AHNAK: variants seen among roughly 807,000 people sequenced by gnomAD.
The protein encoded by AHNAK is AHNAK nucleoprotein.
A neutral mutation model predicts 37.8 loss-of-function variants in AHNAK; 23 were observed. That is an observed-to-expected ratio of 0.61 (90% confidence interval 0.44 to 0.86). The LOEUF (loss-of-function observed/expected upper bound fraction) is 0.86, where lower values mean the gene tolerates loss of function less well. Among genes scored for constraint, AHNAK ranks in the 40% least tolerant of loss-of-function variants. The pLI, the probability that AHNAK is intolerant of heterozygous loss-of-function variation, is 0.00. For synonymous variants in AHNAK, 2,481 were observed against 2,636.3 expected, an observed-to-expected ratio of 0.94 and a Z score of 1.80; for missense variants, 7,411 against 7,319.4, an observed-to-expected ratio of 1.01 and a Z score of -0.46.
rs763377194 is a variant in AHNAK, at chr11:62,531,386, G to A, written c.3031C>T (p.Leu1011Phe). 6 of 1,614,024 alleles carry A rather than the reference G, an allele frequency of 3.7e-6. No homozygotes were observed. The highest frequency in any genetic ancestry group is 5.1e-6 in the Non-Finnish European group (6 of 1,180,042). Residue 1011 changes from leucine to phenylalanine, a missense_variant, in exon 5 of 5, where the codon CTC (leucine) becomes TTC (phenylalanine). Leu to Phe is a conservative substitution (Grantham distance 22). Transcript: ENST00000378024. ...IKMPKFSMPS[L>F]KGEGPEFDVN... ...TCAAATTCTGGCCCCTCTCCTTTGA[G>A]GCTGGGCATGCTAAATTTGGGCATT...
At chr11:62,482,062 A>G (rs1939287723) in intron 5 of AHNAK, among the ~76,000 whole-genome samples, 1 of 151,976 alleles carries the variant, frequency 6.6e-6, no homozygotes, top group Non-Finnish European at 1.5e-5. Flanking sequence ...TGTTGTCTAC[A>G]TGTGGAGCTC....
intron 5 of AHNAK, among the ~76,000 whole-genome samples, chr11:62,450,428 G>A (rs1938511824): frequency 6.6e-6 from 1 of 152,088 alleles, no homozygotes; most frequent in Non-Finnish European, 1.5e-5. Flanking sequence ...CCTGACCTCA[G>A]ATGATCCAAC....
intron 5 of AHNAK, among the ~76,000 whole-genome samples, chr11:62,470,466 C>T (rs1444781489): frequency 4.6e-5 from 7 of 150,540 alleles, no homozygotes; most frequent in African/African-American, 1.2e-4. Context: ...ATTAGCTGGG[C>T]GTGGTGACAC....
intron 5 of AHNAK, among the ~76,000 whole-genome samples, chr11:62,480,932 A>AAAT (rs1565208714): frequency 6.6e-6 from 1 of 151,986 alleles, no homozygotes; most frequent in African/African-American, 2.4e-5. Flanking sequence ...AGACCTCAGT[A>AAAT]AATAATGTCC....
At position 62,524,967 on chromosome 11, in the gene AHNAK, C is replaced by T; in HGVS notation, c.9450G>A (p.Met3150Ile). 1 of 1,613,638 alleles carries T rather than the reference C, an allele frequency of 6.2e-7. No homozygotes were observed. The highest frequency in any genetic ancestry group is 2.2e-5 in the East Asian group (1 of 44,832). ...TGATCTTGGGCATTTTTATTTTAGGCATCTTCAGGTGCCAGTCTGGGCCTT... is the reference window on the plus strand; with the variant it reads ...TGATCTTGGGCATTTTTATTTTAGGTATCTTCAGGTGCCAGTCTGGGCCTT... ...DVQGPDWHLKMPKIKMPKISM... is the reference protein window; with the variant it reads ...DVQGPDWHLKIPKIKMPKISM... Residue 3150 changes from methionine to isoleucine, a missense_variant, in exon 5 of 5, where the codon ATG becomes ATA. Transcript: ENST00000378024.
intron 5 of AHNAK, among the ~76,000 whole-genome samples, chr11:62,446,701 G>C (rs1749894015): frequency 6.6e-6 from 1 of 151,950 alleles, no homozygotes; most frequent in Admixed American, 6.6e-5. Flanking sequence ...AAAGGCACCA[G>C]AATCTTCTCA....
chr11:62,445,436 G>A (rs973879057), intron 5 of AHNAK, among the ~76,000 whole-genome samples: 3 of 152,128 alleles, frequency 2.0e-5, no homozygotes, highest in Non-Finnish European at 2.9e-5. Flanking sequence ...CCATAGCTAC[G>A]ATTTGAATAA....
chr11:62,520,943 C>G lies in AHNAK; in HGVS notation c.13474G>C (p.Glu4492Gln). ...PKVESDLKGPEVDIEGPEGKL... is the reference protein window; with the variant it reads ...PKVESDLKGPQVDIEGPEGKL... Reference sequence around the variant, plus strand: ...CCTTCAGGACCTTCAATGTCTACCTCTGGCCCTTTCAGATCACTTTCCACC... The same window carrying G: ...CCTTCAGGACCTTCAATGTCTACCTGTGGCCCTTTCAGATCACTTTCCACC... The change falls in exon 5 of 5, where the codon GAG becomes CAG. Residue 4492 changes from glutamate (E) to glutamine (Q), a missense_variant. Physicochemically the swap from Glu to Gln is conservative, Grantham distance 29. Transcript: ENST00000378024. The G allele has an allele frequency of 1.9e-6, 3 of 1,614,206 alleles. No homozygotes were observed.
chr11:62,492,692 G>A (rs1939524135), intron 4 of AHNAK, among the ~76,000 whole-genome samples: 1 of 151,814 alleles, frequency 6.6e-6, no homozygotes, highest in South Asian at 2.1e-4. Flanking sequence ...AATATAGTGA[G>A]ACCCCCACCT....
downstream of AHNAK, among the ~76,000 whole-genome samples, chr11:62,511,500 C>T (rs1475681246): frequency 2.0e-5 from 3 of 152,126 alleles, no homozygotes; most frequent in Admixed American, 2.0e-4. Context: ...AAGTGATCCA[C>T]CCACCTCGAC....
chr11:62,521,649 C>A lies in AHNAK; in HGVS notation c.12768G>T (p.Lys4256Asn). 1 of 1,612,350 alleles carries A rather than the reference C, an allele frequency of 6.2e-7. No individual in the cohort carries two copies. The highest frequency in any genetic ancestry group is 8.5e-7 in the Non-Finnish European group (1 of 1,179,542). ...KMPEMNIKAPKISMPDFDLHL... is the reference protein window; with the variant it reads ...KMPEMNIKAPNISMPDFDLHL... ...GCAAATCAAAGTCAGGCATGGAGAT[C>A]TTGGGGGCTTTGATGTTCATCTCAG... The change falls in exon 5 of 5, where the codon AAG becomes AAT. Residue 4256 changes from lysine (K) to asparagine (N), a missense_variant. Coordinates refer to ENST00000378024, the MANE Select transcript of AHNAK (RefSeq NM_001620.3).
At chr11:62,479,236 C>T (rs1284420370) in intron 5 of AHNAK, among the ~76,000 whole-genome samples, 5 of 134,486 alleles carry the variant, frequency 3.7e-5, no homozygotes, top group African/African-American at 1.4e-4. Flanking sequence ...GGCACGATCT[C>T]GGCTCACTGC....
In AHNAK at chr11:62,532,007, GCCCTTTCAATTT is replaced by G. The variant is rs1940770222; in HGVS notation, c.2398_2409del (p.Lys800_Gly803del). The G allele has an allele frequency of 6.2e-7, 1 of 1,613,744 alleles. No individual in the cohort carries two copies. The highest frequency in any genetic ancestry group is 8.5e-7 in the Non-Finnish European group (1 of 1,180,022). On this transcript the variant is annotated inframe_deletion, in exon 5 of 5. Transcript: ENST00000378024. ...TTCATCTCAGGCATCTTAAACTTGG[GCCCTTTCAATTT>G]CCCTTCTGGTTCCTCAATGCTCACA...
chr11:62,444,168 A>G (rs1938374347), intron 5 of AHNAK, among the ~76,000 whole-genome samples: 1 of 152,208 alleles, frequency 6.6e-6, no homozygotes, highest in South Asian at 2.1e-4. Flanking sequence ...CGATAACACA[A>G]AAGGCGTTCT....
Position 62,522,716 on chromosome 11 carries a change from C to T in AHNAK, c.11701G>A (p.Asp3901Asn). The T allele has an allele frequency of 6.8e-6, 11 of 1,612,926 alleles. No homozygotes were observed. The highest frequency in any genetic ancestry group is 9.3e-6 in the Non-Finnish European group (11 of 1,179,788). Reference sequence around the variant, plus strand: ...ATATCCAAGTCAGGAACTTGCATGTCACCTTCCACTTTTGGCAGAGACACA... The same window carrying T: ...ATATCCAAGTCAGGAACTTGCATGTTACCTTCCACTTTTGGCAGAGACACA... ...MDVSLPKVEGDMQVPDLDIKG... is the reference protein window; with the variant it reads ...MDVSLPKVEGNMQVPDLDIKG... Residue 3901 changes from aspartate (D) to asparagine (N), a missense_variant, in exon 5 of 5, where the codon GAC (aspartate) becomes AAC (asparagine). By Grantham distance (23) the Asp-to-Asn change is conservative. Coordinates refer to ENST00000378024, the MANE Select transcript of AHNAK (RefSeq NM_001620.3).
chr11:62,444,769 G>T (rs1229576643), intron 5 of AHNAK, among the ~76,000 whole-genome samples: 1 of 152,258 alleles, frequency 6.6e-6, no homozygotes, highest in Non-Finnish European at 1.5e-5. Context: ...GATGGCACAA[G>T]GGCAGTGACC....
chr11:62,523,478 T>C lies in AHNAK; in HGVS notation c.10939A>G (p.Ile3647Val). 6.2e-7 allele frequency: 1 copy of C among 1,613,436 alleles called. No homozygotes were observed. Among genetic ancestry groups the C allele is most frequent in the South Asian group, 1.1e-5 (1 of 91,030 alleles). ...NVDVDVPDVN[I>V]EGPDAKLKGP... ...TTCAGCTTTGCATCTGGACCTTCAA[T>C]ATTCACGTCTGGAACATCAACGTCT... The change falls in exon 5 of 5, where the codon ATT (isoleucine) becomes GTT (valine). Residue 3647 changes from isoleucine to valine, a missense_variant. Physicochemically the swap from Ile to Val is conservative, Grantham distance 29. Coordinates refer to ENST00000378024, the MANE Select transcript of AHNAK (RefSeq NM_001620.3).
rs149763746 is a variant in AHNAK at position 62,536,365 on chromosome 11, C to T, written c.-1+104G>A. On this transcript the variant is annotated intron_variant, in intron 2 of 4. Coordinates refer to ENST00000378024, the MANE Select transcript of AHNAK (RefSeq NM_001620.3). ...GGCAACTGGACCCGGAGGTAGCTGG[C>T]CCTTCATCCCTGTCCCCCACGGCCC... 1.2e-3 allele frequency: 472 copies of T among 383,628 alleles called. 4 individuals carry two copies. Among genetic ancestry groups the T allele is most frequent in the African/African-American group, 9.4e-3 (448 of 47,478 alleles). 23.8% of individuals were successfully genotyped at this position (383,628 alleles called of 1,614,324 possible).
At chr11:62,508,416 CCTGGGCGGAGCTGAGAACG>C (rs1939847397) in intron 4 of AHNAK, among the ~76,000 whole-genome samples, 2 of 152,300 alleles carry the variant, frequency 1.3e-5, no homozygotes, top group South Asian at 4.1e-4. Flanking sequence ...TGCCTGCTTG[CCTGGGCGGAGCTGAGAACG>C]CAGTGTGAGA....
Sources: gnomAD v4.1 joint callset for allele counts (sites outside exome capture counted in the v4.1 genomes callset) on GRCh38, gnomAD v4.1.1 for gene constraint, MANE v1.5 for transcripts, NCBI Gene and HGNC (gene_info 2026-07-23, HGNC 2026-07-21) for gene names.